TRPA1: variants seen among roughly 807,000 people sequenced by gnomAD.
The protein encoded by TRPA1 is ankyrin-like with transmembrane domains 1.
Under a neutral mutation model 131.3 loss-of-function variants are expected in TRPA1, and 129 were observed. That is an observed-to-expected ratio of 0.98 (90% confidence interval 0.85 to 1.14). TRPA1 has a LOEUF of 1.14. Ranked by LOEUF, TRPA1 falls within the 50% of genes most tolerant of loss-of-function variation. The pLI, the probability that TRPA1 is intolerant of heterozygous loss-of-function variation, is 0.00. For synonymous variants in TRPA1, 441 were observed against 451.7 expected, an observed-to-expected ratio of 0.98 and a Z score of 0.30; for missense variants, 1,304 against 1,354.2, an observed-to-expected ratio of 0.96 and a Z score of 0.58.
chr8:72,067,844 A>G (rs1805968111), intron 3 of TRPA1, among the ~76,000 whole-genome samples: 1 of 152,204 alleles, frequency 6.6e-6, no homozygotes, highest in South Asian at 2.1e-4. Context: ...CCCATCTCAT[A>G]GGTACTGAGA....
Position 72,069,034 on chromosome 8 carries a change from C to A in TRPA1, c.433G>T (p.Glu145Ter). 6.2e-7 allele frequency: 1 copy of A among 1,614,236 alleles called. No individual in the cohort carries two copies. The highest frequency in any genetic ancestry group is 8.5e-7 in the Non-Finnish European group (1 of 1,180,040). Reference sequence around the variant, plus strand: ...GCCAGTAGCCTTACCTTCATCACCTCATTATTCATGCCCTGCACAGCTATG... The same window carrying A: ...GCCAGTAGCCTTACCTTCATCACCTAATTATTCATGCCCTGCACAGCTATG... ...LHIAVQGMNN[E>*]VMKVLLEHRT... Residue 145 changes from glutamate (E) to a stop codon, truncating the protein, a stop_gained, in exon 3 of 27, where the codon GAG (glutamate) becomes TAG (stop). Transcript: ENST00000262209. LOFTEE classifies it high-confidence loss of function.
At chr8:72,077,300 G>A (rs903088534), upstream of TRPA1, among the ~76,000 whole-genome samples, 1 of 131,674 alleles carries the variant, frequency 7.6e-6, no homozygotes, top group African/African-American at 2.8e-5. Flanking sequence ...TGGGGGGGGG[G>A]GCAGCGTGGG....
intron 2 of TRPA1, 148 bp from the exon 3 acceptor site, chr8:72,069,346 T>A: frequency 1.3e-6 from 1 of 783,784 alleles, no homozygotes; most frequent in Non-Finnish European, 2.1e-6. Flanking sequence ...GCTTCAGTTC[T>A]AACGAAACAT....
intron 1 of TRPA1, among the ~76,000 whole-genome samples, chr8:72,074,559 C>T (rs1300699816): frequency 6.6e-6 from 1 of 152,144 alleles, no homozygotes; most frequent in Non-Finnish European, 1.5e-5. Flanking sequence ...GCCCCTTTCT[C>T]CTGCTGACAA....
In TRPA1 at chr8:72,069,143, T is replaced by C. The variant is rs894571819; in HGVS notation, c.324A>G (p.Lys108=). The change falls in exon 3 of 27, where the codon AAA becomes AAG. Residue 108 remains lysine (K), a synonymous_variant. Transcript: ENST00000262209. ...GAAACTTAACGCTTTCAATTTGGTTTTTTTCTACAGCACAATGCAGAGGGG... is the reference window on the plus strand; with the variant it reads ...GAAACTTAACGCTTTCAATTTGGTTCTTTTCTACAGCACAATGCAGAGGGG... ...GNTPLHCAVE[K]NQIESVKFLL... The C allele has an allele frequency of 6.2e-7, 1 of 1,614,108 alleles. No homozygotes were observed. Among genetic ancestry groups the C allele is most frequent in the African/African-American group, 1.3e-5 (1 of 74,934 alleles).
In TRPA1 at chr8:72,060,167, G is replaced by T. The variant is rs1290264351; in HGVS notation, c.945-729C>A. On this transcript the variant is annotated intron_variant, in intron 7 of 26. Coordinates refer to ENST00000262209, the MANE Select transcript of TRPA1 (RefSeq NM_007332.3). The stretch of plus-strand genomic sequence containing the variant: ...TTAATTATATTTAGTAATTATAAGG[G>T]AATAAATTCTAACATTAAGGCCCCA... Among the ~76,000 whole-genome samples the T allele has an allele frequency of 2.6e-5, 4 of 151,392 alleles. No homozygotes were observed. In the East Asian group the frequency reaches 7.7e-4, roughly 29 times the overall value.
At chr8:72,081,518 C>T in the TRPA1 span, among the ~76,000 whole-genome samples, 2 of 151,626 alleles carry the variant, frequency 1.3e-5, no homozygotes, top group African/African-American at 2.4e-5. Context: ...GGGTATACTT[C>T]GGTGATAGTG....
At chr8:72,050,626 G>T in intron 15 of TRPA1, 152 bp downstream of exon 15, 4 of 616,982 alleles carry the variant, frequency 6.5e-6, no homozygotes, top group Non-Finnish European at 1.1e-5. Context: ...ATCCAAGAAG[G>T]CCTTCCTTAA....
chr8:72,022,299 A>G lies in TRPA1; in HGVS notation c.*607T>C, dbSNP rs1002868799. On this transcript the variant is annotated 3_prime_UTR_variant, in exon 27 of 27. Coordinates refer to ENST00000262209, the MANE Select transcript of TRPA1 (RefSeq NM_007332.3). ...TTCGTGCATATCATAAGGCCTATTA[A>G]TTTGTACTTCAACTATATGGCTCAA... is the stretch of plus-strand genomic sequence containing the variant. 4.9e-5 allele frequency: 8 copies of G among 161,686 alleles called. No individual in the cohort carries two copies. Among genetic ancestry groups the G allele is most frequent in the South Asian group, 1.7e-4 (1 of 5,876 alleles). The allele number at this position is 161,686 out of a possible 1,614,324, so 10.0% of individuals were successfully genotyped here.
intron 17 of TRPA1, among the ~76,000 whole-genome samples, chr8:72,043,519 A>T (rs1812325813): frequency 2.6e-5 from 4 of 151,842 alleles, no homozygotes; most frequent in Admixed American, 2.0e-4. Context: ...TGCAGCCAGA[A>T]TGGTCTTCTT....
the TRPA1 span, among the ~76,000 whole-genome samples, chr8:72,089,727 T>C: frequency 6.6e-6 from 1 of 152,218 alleles, no homozygotes; most frequent in South Asian, 2.1e-4. Context: ...CCTCATCTAG[T>C]TCATGGTGGT....
intron 7 of TRPA1, chr8:72,060,311 GT>G (rs1805777710): frequency 6.6e-6 from 1 of 151,890 alleles, no homozygotes; most frequent in Admixed American, 6.6e-5. Flanking sequence ...GAATCAAAGA[GT>G]TTTTTTCTTT....
chr8:72,070,456 C>T (rs998438071), intron 2 of TRPA1, among the ~76,000 whole-genome samples: 2 of 152,180 alleles, frequency 1.3e-5, no homozygotes, highest in Admixed American at 6.5e-5. Flanking sequence ...TTACAAACTC[C>T]CATTCACTAA....
chr8:72,049,851 A>C (rs1332270221), intron 15 of TRPA1, among the ~76,000 whole-genome samples: 1 of 152,206 alleles, frequency 6.6e-6, no homozygotes, highest in Non-Finnish European at 1.5e-5. Flanking sequence ...TACTATAAGG[A>C]AAGCAATTGC....
At chr8:72,046,069 A>G (rs150727415) in intron 17 of TRPA1, among the ~76,000 whole-genome samples, 2 of 152,128 alleles carry the variant, frequency 1.3e-5, no homozygotes, top group African/African-American at 4.8e-5. Context: ...TGTGGTTTAC[A>G]CAGGAGAAAA....
intron 15 of TRPA1, among the ~76,000 whole-genome samples, chr8:72,049,904 A>G (rs1233203156): frequency 2.0e-5 from 3 of 151,892 alleles, no homozygotes; most frequent in Non-Finnish European, 4.4e-5. Flanking sequence ...GGAGCCCAAT[A>G]TACAAAAGGG....
chr8:72,065,265 A>G (rs1298681813), intron 4 of TRPA1, among the ~76,000 whole-genome samples, 186 bp downstream of exon 4: 2 of 152,178 alleles, frequency 1.3e-5, no homozygotes, highest in Non-Finnish European at 2.9e-5. Context: ...TCTATAAGCA[A>G]TCTCAGATCC....
intron 17 of TRPA1, among the ~76,000 whole-genome samples, chr8:72,041,617 G>A (rs1812253361): frequency 6.6e-6 from 1 of 151,384 alleles, no homozygotes; most frequent in Admixed American, 6.6e-5. Context: ...ACAGCAAATA[G>A]GTCAAAGACA....
intron 23 of TRPA1, among the ~76,000 whole-genome samples, chr8:72,032,482 G>C (rs1254951168): frequency 6.6e-6 from 1 of 152,180 alleles, no homozygotes; most frequent in African/African-American, 2.4e-5. Context: ...AGGATGACTA[G>C]GAGATTCTAC....
Sources: allele counts gnomAD v4.1 joint callset (sites outside exome capture counted in the v4.1 genomes callset), GRCh38; gene constraint gnomAD v4.1.1; transcripts MANE v1.5; gene names NCBI Gene and HGNC (gene_info 2026-07-23, HGNC 2026-07-21).